THOC2: variants seen among roughly 807,000 people sequenced by gnomAD.
THOC2 encodes THO complex subunit 2, also known as THO complex 2.
A neutral mutation model predicts 128.4 loss-of-function variants in THOC2; 10 were observed. That is an observed-to-expected ratio of 0.08 (90% confidence interval 0.05 to 0.13). The LOEUF (loss-of-function observed/expected upper bound fraction) is 0.13, where lower values mean the gene tolerates loss of function less well. Among genes scored for constraint, THOC2 ranks in the 10% least tolerant of loss-of-function variants. The probability of loss-of-function intolerance (pLI) is 1.00; values close to 1 mark genes in which losing one functional copy is unlikely to be tolerated. For missense variants in THOC2, 535 were observed against 1,155.7 expected (o/e 0.46, Z 7.79); for synonymous variants, 393 against 396.9 (o/e 0.99, Z 0.12).
chrX:123,617,410 T>A (rs181841125), intron 33 of THOC2, among the ~76,000 whole-genome samples: 116 of 111,079 alleles, frequency 1.0e-3, no homozygotes, highest in African/African-American at 3.6e-3. Flanking sequence ...AAAGGAGGGA[T>A]GTGGGAGACT....
rs751120349 is a variant in THOC2 at position 123,663,616 on chromosome X, C to T, written c.1386+2026G>A. On this transcript the variant is annotated intron_variant, in intron 12 of 38. Coordinates refer to ENST00000245838, the MANE Select transcript of THOC2 (RefSeq NM_001081550.2). Reference sequence around the variant, plus strand: ...TGAGAAAGACTCTAGGTTGCAGGTACTATTCTGTTTTTTTTTTTTTATACT... The same window carrying T: ...TGAGAAAGACTCTAGGTTGCAGGTATTATTCTGTTTTTTTTTTTTTATACT... 5.6e-5 allele frequency among the ~76,000 whole-genome samples: 6 copies of T among 106,252 alleles called. No homozygotes were observed. The South Asian group carries it at 2.4e-3, about 43-fold the overall frequency. 92.3% of individuals were successfully genotyped at this position (106,252 alleles called of 115,157 possible). A position where few individuals can be genotyped will look rare whatever the true frequency, so the allele number is the denominator to read the frequency against.
rs947106818 is a variant in THOC2 at position 123,600,581 on chromosome X, A to C, written c.*776T>G. ...TAATATACAACCATTTGAGAAAACTATTGTTTATTTAGAAAAAAGGTTACA... is the reference window on the plus strand; with the variant it reads ...TAATATACAACCATTTGAGAAAACTCTTGTTTATTTAGAAAAAAGGTTACA... On this transcript the variant is annotated 3_prime_UTR_variant, in exon 39 of 39. Transcript: ENST00000245838. 2.7e-5 allele frequency: 3 copies of C among 112,683 alleles called. No individual in the cohort carries two copies. In the Admixed American group the frequency reaches 2.8e-4, roughly 11 times the overall value. 9.3% of individuals were successfully genotyped at this position (112,683 alleles called of 1,213,427 possible).
intron 4 of THOC2, 133 bp from the exon 5 acceptor site, chrX:123,697,884 T>C (rs1360136372): frequency 7.5e-6 from 3 of 397,933 alleles, no homozygotes; most frequent in Non-Finnish European, 1.3e-5. Context: ...TTCAAAACTA[T>C]GGTAACATGA....
At chrX:123,640,913 T>C (rs1164849069) in intron 15 of THOC2, among the ~76,000 whole-genome samples, 1 of 111,807 alleles carries the variant, frequency 8.9e-6, no homozygotes, top group Non-Finnish European at 1.9e-5. Context: ...TAATGTACTC[T>C]ACAAGTACAT....
chrX:123,609,168 A>G lies in THOC2; in HGVS notation c.*18+1750T>C, dbSNP rs985467936. ...TTGTTTTTCTTTTAATAGGGAGACCACATGTGACAGCAAAATGCCAGATTA... is the reference window on the plus strand; with the variant it reads ...TTGTTTTTCTTTTAATAGGGAGACCGCATGTGACAGCAAAATGCCAGATTA... On this transcript the variant is annotated intron_variant, in intron 38 of 38. Coordinates refer to ENST00000245838, the MANE Select transcript of THOC2 (RefSeq NM_001081550.2). 2.7e-5 allele frequency among the ~76,000 whole-genome samples: 3 copies of G among 112,215 alleles called. No individual in the cohort carries two copies. The South Asian group carries it at 1.1e-3, about 42-fold the overall frequency.
chrX:123,605,711 C>T (rs943521765), intron 38 of THOC2, among the ~76,000 whole-genome samples: 1 of 111,456 alleles, frequency 9.0e-6, no homozygotes, highest in African/African-American at 3.3e-5. Flanking sequence ...TTTACCAATA[C>T]CTATCGTCAA....
rs768183411 is a variant in THOC2, at chrX:123,613,438, T to C, written c.4638A>G (p.Lys1546=). 6.6e-6 allele frequency: 8 copies of C among 1,209,852 alleles called. No individual in the cohort carries two copies. In the South Asian group the frequency reaches 1.2e-4, roughly 19 times the overall value. Residue 1546 remains lysine, a synonymous_variant, in exon 36 of 39, where the codon AAA becomes AAG. Coordinates refer to ENST00000245838, the MANE Select transcript of THOC2 (RefSeq NM_001081550.2). ...AGGAGATTTTATCCATCTTCTCAGATTTAAATGAATCACTGCCTTTTTCTT... is the reference window on the plus strand; with the variant it reads ...AGGAGATTTTATCCATCTTCTCAGACTTAAATGAATCACTGCCTTTTTCTT... The part of the protein sequence containing the change: ...SGKEKGSDSF[K]SEKMDKISSG...
intron 20 of THOC2, 58 bp from the exon 21 acceptor site, chrX:123,633,098 A>C (rs779954995): frequency 9.7e-5 from 87 of 894,482 alleles, no homozygotes; most frequent in Non-Finnish European, 1.2e-4. Context: ...TGCTAATTTG[A>C]AAAAGACACA....
chrX:123,697,798 C>G (rs1569431612), intron 4 of THOC2, 47 bp from the exon 5 acceptor site: 4 of 535,096 alleles, frequency 7.5e-6, no homozygotes, highest in South Asian at 3.4e-5. Context: ...GTCTAGACTC[C>G]CCAGCACTAA....
intron 12 of THOC2, among the ~76,000 whole-genome samples, chrX:123,648,544 G>A (rs187642961): frequency 9.5e-6 from 1 of 105,363 alleles, no homozygotes; most frequent in East Asian, 3.0e-4. Flanking sequence ...CACGGAGCCC[G>A]GCAAGCTAAG....
At chrX:123,652,133 A>G (rs1009657756) in intron 12 of THOC2, among the ~76,000 whole-genome samples, 1 of 112,053 alleles carries the variant, frequency 8.9e-6, no homozygotes, top group African/African-American at 3.2e-5. Context: ...CAACATAGGC[A>G]AATCAATAAA....
In THOC2 at chrX:123,654,175, T is replaced by C. The variant is rs1024136609; in HGVS notation, c.1387-8800A>G. On this transcript the variant is annotated intron_variant, in intron 12 of 38. Transcript: ENST00000245838. Reference sequence around the variant, plus strand: ...CAGGAACAGAAAACCAAACACCGCATGTTCTCATTCGTAAGTGGGAGTTGA... The same window carrying C: ...CAGGAACAGAAAACCAAACACCGCACGTTCTCATTCGTAAGTGGGAGTTGA... 1.5e-4 allele frequency among the ~76,000 whole-genome samples: 16 copies of C among 110,056 alleles called. 1 individual carries two copies. The highest frequency in any genetic ancestry group is 5.3e-4 in the African/African-American group (16 of 30,223).
chrX:123,693,374 G>A (rs764969730), intron 7 of THOC2, among the ~76,000 whole-genome samples: 10 of 111,904 alleles, frequency 8.9e-5, no homozygotes, highest in East Asian at 2.8e-4. Flanking sequence ...GCTGAGGCAC[G>A]AGAATCGTTT....
At chrX:123,629,576 C>T (rs1163038248) in intron 22 of THOC2, among the ~76,000 whole-genome samples, 1 of 111,158 alleles carries the variant, frequency 9.0e-6, no homozygotes, top group Non-Finnish European at 1.9e-5. Context: ...TAGAATTTTA[C>T]AATTGTTCTA....
At chrX:123,720,969 A>C (rs1181943027) in intron 1 of THOC2, among the ~76,000 whole-genome samples, 2 of 111,689 alleles carry the variant, frequency 1.8e-5, no homozygotes, top group Non-Finnish European at 3.8e-5. Context: ...GAAGATGAAA[A>C]AGATCAGGAG....
At chrX:123,647,275 C>A (rs1298714062) in intron 12 of THOC2, among the ~76,000 whole-genome samples, 2 of 111,939 alleles carry the variant, frequency 1.8e-5, no homozygotes, top group Non-Finnish European at 3.8e-5. Flanking sequence ...AAGCAATTTT[C>A]TTTTGTTTGG....
At chrX:123,681,476 G>GT (rs2049780287) in intron 8 of THOC2, among the ~76,000 whole-genome samples, 1 of 111,838 alleles carries the variant, frequency 8.9e-6, no homozygotes, top group Non-Finnish European at 1.9e-5. Context: ...CATAATCTAT[G>GT]AAGTATTTTT....
intron 1 of THOC2, among the ~76,000 whole-genome samples, chrX:123,727,394 A>C (rs911985171): frequency 1.3e-4 from 14 of 111,552 alleles, no homozygotes; most frequent in African/African-American, 4.6e-4. Context: ...ACTGTTTCTG[A>C]ACATTACATT....
chrX:123,621,991 G>A (rs2047101809), intron 30 of THOC2, among the ~76,000 whole-genome samples: 1 of 112,001 alleles, frequency 8.9e-6, no homozygotes, highest in Non-Finnish European at 1.9e-5. Flanking sequence ...GTTGCAGTGA[G>A]CCAAAATCAC....
Sources: gnomAD v4.1 joint callset for allele counts (sites outside exome capture counted in the v4.1 genomes callset) on GRCh38, gnomAD v4.1.1 for gene constraint, MANE v1.5 for transcripts, NCBI Gene and HGNC (gene_info 2026-07-23, HGNC 2026-07-21) for gene names.